Variants in DNAJC6 observed in about 807,000 individuals in gnomAD.
DNAJC6 encodes auxilin.
Under a neutral mutation model 110.0 loss-of-function variants are expected in DNAJC6, and 34 were observed. The observed-to-expected ratio is 0.31, with a 90% CI of 0.24 to 0.41. The LOEUF (loss-of-function observed/expected upper bound fraction) is 0.41, where lower values mean the gene tolerates loss of function less well. Among genes scored for constraint, DNAJC6 ranks in the 10% least tolerant of loss-of-function variants. The probability of loss-of-function intolerance (pLI) is 1.00; values close to 1 mark genes in which losing one functional copy is unlikely to be tolerated. For synonymous variants in DNAJC6, 406 were observed against 437.2 expected, an observed-to-expected ratio of 0.93 and a Z score of 0.89; for missense variants, 1,031 against 1,207.8, an observed-to-expected ratio of 0.85 and a Z score of 2.17.
At chr1:65,406,196 A>T in intron 16 of DNAJC6, 63 bp downstream of exon 16, 1 of 1,550,598 alleles carries the variant, frequency 6.4e-7, no homozygotes, top group Non-Finnish European at 8.7e-7. Flanking sequence ...TACTGCCTGA[A>T]TGTGTCTCTC....
rs116975575 is a variant in DNAJC6 at position 65,277,541 on chromosome 1, A to G, written c.-131+12609A>G. 2.0e-3 allele frequency among the ~76,000 whole-genome samples: 307 copies of G among 152,328 alleles called. 6 individuals are homozygous for G. The East Asian group carries it at 0.04, about 20-fold the overall frequency. On this transcript the variant is annotated intron_variant, in intron 1 of 19. Transcript: ENST00000263441. Reference sequence around the variant, plus strand: ...AACTTGATCTTGTAACTTTTATTCCAAAGCTTTGTTGAGGGGGAGAAGTAC... The same window carrying G: ...AACTTGATCTTGTAACTTTTATTCCGAAGCTTTGTTGAGGGGGAGAAGTAC...
intron 15 of DNAJC6, 93 bp downstream of exon 15, chr1:65,401,973 G>T (rs888934194): frequency 2.9e-5 from 45 of 1,535,684 alleles, no homozygotes; most frequent in African/African-American, 1.4e-4. Context: ...AGCTGGTATT[G>T]TCACCTGGAA....
intron 1 of DNAJC6, among the ~76,000 whole-genome samples, chr1:65,331,534 C>T (rs1645288425): frequency 6.6e-6 from 1 of 152,202 alleles, no homozygotes; most frequent in African/African-American, 2.4e-5. Context: ...CAGGGTGAAG[C>T]TGCCACCTGT....
rs1448814161 is a variant in DNAJC6 at position 65,415,752 on chromosome 1, T to G, written c.*2727T>G. 1 of 152,234 alleles carries G rather than the reference T, an allele frequency of 6.6e-6. No homozygotes were observed. The highest frequency in any genetic ancestry group is 1.5e-5 in the Non-Finnish European group (1 of 68,044). 9.4% of individuals were successfully genotyped at this position (152,234 alleles called of 1,614,324 possible). A position where few individuals can be genotyped will look rare whatever the true frequency, so the allele number is the denominator to read the frequency against. On this transcript the variant is annotated 3_prime_UTR_variant, in exon 19 of 19. Coordinates refer to ENST00000371069, the MANE Select transcript of DNAJC6 (RefSeq NM_001256864.2). ...TCTACATGTGGAAGAATGTTCAAGT[T>G]GAATCCTAATGCCGTGAATGAAACA...
chr1:65,344,479 G>A (rs1280196238), intron 1 of DNAJC6, among the ~76,000 whole-genome samples: 2 of 152,080 alleles, frequency 1.3e-5, no homozygotes, highest in African/African-American at 4.8e-5. Flanking sequence ...TAGTGTGCCA[G>A]GGAAATAATT....
Position 65,410,887 on chromosome 1 carries a change from GT to G in DNAJC6, c.2635-362del, listed in dbSNP as rs571156565. On this transcript the variant is annotated intron_variant, in intron 17 of 18. Transcript: ENST00000371069. ...ATGGTAGAAATATGTTTAAGGTAGA[GT>G]GGCCCAGAGAAGTTTGGCCCTTTTT... Among the ~76,000 whole-genome samples, 393 of 152,356 alleles carry G rather than the reference GT, an allele frequency of 2.6e-3. 1 individual carries two copies. The highest frequency in any genetic ancestry group is 9.0e-3 in the African/African-American group (376 of 41,578).
intron 2 of DNAJC6, 120 bp from the exon 3 acceptor site, chr1:65,365,765 G>T (rs1403331995): frequency 2.8e-6 from 3 of 1,053,170 alleles, no homozygotes; most frequent in Non-Finnish European, 4.2e-6. Context: ...GGCTGGAGGG[G>T]AGTCGAAACA....
intron 1 of DNAJC6, among the ~76,000 whole-genome samples, chr1:65,318,638 C>T (rs562509531): frequency 4.6e-5 from 7 of 152,206 alleles, no homozygotes; most frequent in East Asian, 3.9e-4. Flanking sequence ...CACTTATAAG[C>T]GGGAGCTGAA....
chr1:65,275,792 A>G (rs893189267), intron 1 of DNAJC6, among the ~76,000 whole-genome samples: 33 of 151,204 alleles, frequency 2.2e-4, no homozygotes, highest in African/African-American at 7.3e-4. Flanking sequence ...TTGCTGGCCT[A>G]TCTTAGAGCT....
At chr1:65,355,975 A>G (rs1312355323) in intron 1 of DNAJC6, among the ~76,000 whole-genome samples, 2 of 126,108 alleles carry the variant, frequency 1.6e-5, no homozygotes, top group East Asian at 2.3e-4. Context: ...GTGCCATTCT[A>G]TTAATATTTC....
chr1:65,265,701 G>T (rs902113361), intron 1 of DNAJC6, among the ~76,000 whole-genome samples: 20 of 152,220 alleles, frequency 1.3e-4, no homozygotes, highest in Non-Finnish European at 2.5e-4. Flanking sequence ...GCCGCAGTTG[G>T]GGGAGGAGCG....
chr1:65,301,194 C>T (rs1424862056), intron 1 of DNAJC6, among the ~76,000 whole-genome samples: 2 of 152,170 alleles, frequency 1.3e-5, no homozygotes, highest in Non-Finnish European at 2.9e-5. Flanking sequence ...ACTGATGCTT[C>T]CATGAGTTGC....
chr1:65,294,494 T>C (rs1644911065), intron 1 of DNAJC6, among the ~76,000 whole-genome samples: 1 of 152,320 alleles, frequency 6.6e-6, no homozygotes, highest in South Asian at 2.1e-4. Context: ...GGTGTGAAGA[T>C]TGACTACAGC....
chr1:65,322,820 T>C (rs748746211), intron 1 of DNAJC6, among the ~76,000 whole-genome samples: 3 of 152,234 alleles, frequency 2.0e-5, no homozygotes, highest in Non-Finnish European at 2.9e-5. Flanking sequence ...ATGATAATGG[T>C]TTACTTGAAA....
chr1:65,375,760 C>A (rs1272286296), intron 4 of DNAJC6, among the ~76,000 whole-genome samples: 3 of 152,158 alleles, frequency 2.0e-5, no homozygotes, highest in Non-Finnish European at 4.4e-5. Context: ...GGTGAATGAT[C>A]TATTTAATGT....
chr1:65,374,788 T>C (rs1192205114), intron 4 of DNAJC6, among the ~76,000 whole-genome samples: 1 of 152,160 alleles, frequency 6.6e-6, no homozygotes, highest in Non-Finnish European at 1.5e-5. Context: ...TTTTGCCTAA[T>C]TGCTCTGGCC....
chr1:65,406,677 C>T (rs757637914), intron 16 of DNAJC6, among the ~76,000 whole-genome samples: 7 of 152,100 alleles, frequency 4.6e-5, no homozygotes, highest in Non-Finnish European at 8.8e-5. Context: ...CTGAGATCAG[C>T]GGGGTACCTA....
At chr1:65,345,647 G>T (rs896087400) in intron 1 of DNAJC6, 1 of 977,908 alleles carries the variant, frequency 1.0e-6, no homozygotes, top group Admixed American at 6.4e-5. Context: ...TTTGGGAAAA[G>T]TAACACGTGG....
chr1:65,331,188 C>T (rs757020537), intron 1 of DNAJC6, among the ~76,000 whole-genome samples: 5 of 152,204 alleles, frequency 3.3e-5, no homozygotes, highest in Non-Finnish European at 5.9e-5. Context: ...TTCTTCAGCT[C>T]CAGGGAAACA....
Sources: gnomAD v4.1 joint callset for allele counts (sites outside exome capture counted in the v4.1 genomes callset) on GRCh38, gnomAD v4.1.1 for gene constraint, MANE v1.5 for transcripts, NCBI Gene and HGNC (gene_info 2026-07-23, HGNC 2026-07-21) for gene names.